The following UTRN variants were observed in gnomAD, a reference collection of about 807,000 sequenced individuals.
The protein encoded by UTRN is utrophin.
A neutral mutation model predicts 463.9 loss-of-function variants in UTRN; 283 were observed. The ratio of observed to expected loss-of-function variants is 0.61; its 90% CI spans 0.55 to 0.67. The LOEUF is 0.67. Among genes scored for constraint, UTRN ranks in the 30% least tolerant of loss-of-function variants. The pLI is 0.00. For missense variants in UTRN, 3,922 were observed against 4,084.3 expected (o/e 0.96, Z 1.08); for synonymous variants, 1,442 against 1,431.5 (o/e 1.01, Z -0.17).
At chr6:144,359,683 A>G (rs967935374) in intron 2 of UTRN, among the ~76,000 whole-genome samples, 2 of 148,234 alleles carry the variant, frequency 1.3e-5, no homozygotes, top group Admixed American at 1.3e-4. Flanking sequence ...GCATTGCCAC[A>G]TTTGAAGATT....
intron 62 of UTRN, among the ~76,000 whole-genome samples, 175 bp from the exon 63 acceptor site, chr6:144,793,659 C>T (rs1232181095): frequency 6.6e-6 from 1 of 152,062 alleles, no homozygotes; most frequent in Non-Finnish European, 1.5e-5. Context: ...ATATGTAATG[C>T]AGAATATTAA....
chr6:144,704,958 C>G (rs1471874151), intron 53 of UTRN, among the ~76,000 whole-genome samples: 2 of 152,204 alleles, frequency 1.3e-5, no homozygotes, highest in Middle Eastern at 3.4e-3. Context: ...GAGACTCCAT[C>G]TCAAAAACAA....
At chr6:144,844,387 G>A (rs1781847586) in intron 73 of UTRN, among the ~76,000 whole-genome samples, 2 of 151,640 alleles carry the variant, frequency 1.3e-5, no homozygotes, top group African/African-American at 4.9e-5. Context: ...TCATGCCTCA[G>A]CCTCCCAAGT....
At chr6:144,299,599 A>G (rs980820434) in intron 2 of UTRN, among the ~76,000 whole-genome samples, 3 of 151,994 alleles carry the variant, frequency 2.0e-5, no homozygotes, top group African/African-American at 7.3e-5. Context: ...ATATTTCTCC[A>G]CTGCGCTCCT....
intron 51 of UTRN, among the ~76,000 whole-genome samples, chr6:144,612,166 T>G (rs1312750945): frequency 1.3e-5 from 2 of 152,058 alleles, no homozygotes; most frequent in East Asian, 3.9e-4. Context: ...AAACTGGATA[T>G]CCACATGTAA....
intron 2 of UTRN, among the ~76,000 whole-genome samples, chr6:144,327,805 A>G (rs1776066763): frequency 6.6e-6 from 1 of 152,032 alleles, no homozygotes; most frequent in South Asian, 2.1e-4. Context: ...TTAGCTGGGC[A>G]TGGTGGCGGG....
intron 51 of UTRN, among the ~76,000 whole-genome samples, chr6:144,601,959 A>AT (rs536226945): frequency 2.1e-4 from 31 of 150,656 alleles, no homozygotes; most frequent in Non-Finnish European, 3.7e-4. Context: ...AATCGTTAGC[A>AT]TTTTTTTTTG....
At chr6:144,310,803 A>G (rs1026059678) in intron 2 of UTRN, among the ~76,000 whole-genome samples, 2 of 152,234 alleles carry the variant, frequency 1.3e-5, no homozygotes, top group South Asian at 2.1e-4. Flanking sequence ...AACAAAAAAC[A>G]AACAAGTGTG....
chr6:144,636,698 A>G (rs1777211636), intron 51 of UTRN, among the ~76,000 whole-genome samples: 1 of 152,206 alleles, frequency 6.6e-6, no homozygotes, highest in Non-Finnish European at 1.5e-5. Context: ...AGTCATCTTT[A>G]TAGCTCACTC....
intron 74 of UTRN, among the ~76,000 whole-genome samples, chr6:144,847,400 TTTTTG>T (rs887308921): frequency 2.2e-5 from 3 of 139,176 alleles, no homozygotes; most frequent in East Asian, 4.3e-4. Flanking sequence ...TTGTTTTGTT[TTTTTG>T]TTTTGTTTTG....
chr6:144,643,916 G>C (rs973651129), intron 51 of UTRN, among the ~76,000 whole-genome samples: 2 of 152,112 alleles, frequency 1.3e-5, no homozygotes, highest in Admixed American at 6.6e-5. Flanking sequence ...CTGCACAATT[G>C]AGTTCATGAT....
At chr6:144,619,493 C>A (rs1775123565) in intron 51 of UTRN, among the ~76,000 whole-genome samples, 1 of 152,126 alleles carries the variant, frequency 6.6e-6, no homozygotes, top group African/African-American at 2.4e-5. Flanking sequence ...ATGGGAGAAG[C>A]CCAATTTACC....
At chr6:144,790,134 G>T (rs1194198123) in intron 62 of UTRN, among the ~76,000 whole-genome samples, 1 of 152,176 alleles carries the variant, frequency 6.6e-6, no homozygotes, top group East Asian at 1.9e-4. Flanking sequence ...AATGTTTAAG[G>T]TACCTAGAAA....
chr6:144,568,863 T>C (rs1800669634), intron 50 of UTRN, among the ~76,000 whole-genome samples: 1 of 152,130 alleles, frequency 6.6e-6, no homozygotes, highest in African/African-American at 2.4e-5. Context: ...TTTGAAATGA[T>C]TTACCCCAAG....
intron 22 of UTRN, 146 bp downstream of exon 22, chr6:144,461,488 T>G: frequency 2.7e-4 from 251 of 914,980 alleles, no homozygotes; most frequent in Non-Finnish European, 3.3e-4. Context: ...ATTTGAGGGT[T>G]AGTTTGACCT....
intron 50 of UTRN, 27 bp from the exon 51 acceptor site, chr6:144,577,072 G>A: frequency 1.2e-6 from 2 of 1,603,260 alleles, no homozygotes; most frequent in African/African-American, 1.3e-5. Context: ...AAGTAATGGA[G>A]CCGTGCTGTC....
chr6:144,699,646 G>T (rs1288677844), intron 52 of UTRN, among the ~76,000 whole-genome samples: 2 of 150,440 alleles, frequency 1.3e-5, no homozygotes, highest in Non-Finnish European at 3.0e-5. Flanking sequence ...ATATTTGGAT[G>T]TGCGTATATA....
chr6:144,445,920 G>T (rs1283263020), intron 14 of UTRN, among the ~76,000 whole-genome samples: 1 of 152,046 alleles, frequency 6.6e-6, no homozygotes, highest in East Asian at 1.9e-4. Flanking sequence ...CAGCCACTCA[G>T]GAGGCTATGG....
chr6:144,562,384 G>A (rs967323559), intron 50 of UTRN, among the ~76,000 whole-genome samples: 3 of 151,956 alleles, frequency 2.0e-5, no homozygotes, highest in African/African-American at 7.3e-5. Context: ...AGGCCCCAGT[G>A]TGTTGTTCCC....
Sources: allele counts gnomAD v4.1 joint callset (sites outside exome capture counted in the v4.1 genomes callset), GRCh38; gene constraint gnomAD v4.1.1; transcripts MANE v1.5; gene names NCBI Gene and HGNC (gene_info 2026-07-23, HGNC 2026-07-21).